TMC5: variants seen among roughly 807,000 people sequenced by gnomAD.
TMC5 encodes the protein transmembrane channel like 5, also known as transmembrane channel-like protein 5.
TMC5 carries 86 observed loss-of-function variants against 110.5 expected under a neutral mutation model. That is an observed-to-expected ratio of 0.78 (90% CI 0.65 to 0.93). The LOEUF is 0.93. Among genes scored for constraint, TMC5 ranks in the 40% least tolerant of loss-of-function variants. The probability of loss-of-function intolerance (pLI) is 0.00; values close to 1 mark genes in which losing one functional copy is unlikely to be tolerated. For synonymous variants in TMC5, 455 were observed against 439.5 expected (o/e 1.04, Z -0.44); for missense variants, 1,144 against 1,222.8 (o/e 0.94, Z 0.96).
Position 19,449,625 on chromosome 16 carries a change from C to T in TMC5, c.1042C>T (p.Pro348Ser). ...PLSECDWHKS[P>S]QGQKLIASLI... Reference sequence around the variant, plus strand: ...GTCTGAATGTGATTGGCACAAGTCACCCCAAGGTAAGTGATATGGTTTGGC... The same window carrying T: ...GTCTGAATGTGATTGGCACAAGTCATCCCAAGGTAAGTGATATGGTTTGGC... The change falls in exon 5 of 22, where the codon CCC becomes TCC. Residue 348 changes from proline (P) to serine (S), a missense_variant. By Grantham distance (74) the Pro-to-Ser change is moderately conservative. Coordinates refer to ENST00000542583, the MANE Select transcript of TMC5 (RefSeq NM_001261841.2). 2 of 1,614,024 alleles carry T rather than the reference C, an allele frequency of 1.2e-6. No homozygotes were observed. Among genetic ancestry groups the T allele is most frequent in the Non-Finnish European group, 1.7e-6 (2 of 1,179,926 alleles).
chr16:19,464,316 C>T (rs1413521903), intron 8 of TMC5, among the ~76,000 whole-genome samples: 1 of 152,084 alleles, frequency 6.6e-6, no homozygotes, highest in Non-Finnish European at 1.5e-5. Context: ...TCTGGCTACT[C>T]AGGAGGCTAA....
intron 5 of TMC5, 56 bp downstream of exon 5, chr16:19,449,687 T>C: frequency 6.7e-7 from 1 of 1,503,516 alleles, no homozygotes. Flanking sequence ...CAAATTGTAA[T>C]CCCCATGTGT....
chr16:19,461,530 C>CTGT (rs1968022349), intron 6 of TMC5, among the ~76,000 whole-genome samples: 2 of 151,840 alleles, frequency 1.3e-5, no homozygotes, highest in Non-Finnish European at 2.9e-5. Context: ...GCCAAGATCA[C>CTGT]ACCACTGCAC....
chr16:19,445,606 G>GA (rs906254485), intron 4 of TMC5, among the ~76,000 whole-genome samples: 12 of 147,618 alleles, frequency 8.1e-5, no homozygotes, highest in East Asian at 2.0e-4. Flanking sequence ...TGGCACAAGA[G>GA]AAAAAAAAAA....
intron 1 of TMC5, among the ~76,000 whole-genome samples, chr16:19,428,560 C>T (rs183933198): frequency 6.6e-6 from 1 of 152,108 alleles, no homozygotes; most frequent in Non-Finnish European, 1.5e-5. Context: ...AACACTATAC[C>T]TTAGACCATT....
intron 5 of TMC5, chr16:19,456,986 A>C: frequency 6.2e-7 from 1 of 1,612,278 alleles, no homozygotes. Context: ...GGGCATAGAC[A>C]CTCCTGGTTC....
chr16:19,466,166 A>G lies in TMC5; in HGVS notation c.1570A>G (p.Met524Val). 2 of 1,614,096 alleles carry G rather than the reference A, an allele frequency of 1.2e-6. No individual in the cohort carries two copies. The highest frequency in any genetic ancestry group is 1.7e-6 in the Non-Finnish European group (2 of 1,180,022). The change falls in exon 9 of 22, where the codon ATG (methionine) becomes GTG (valine). Residue 524 changes from methionine (M) to valine (V), a missense_variant. Coordinates refer to ENST00000542583, the MANE Select transcript of TMC5 (RefSeq NM_001261841.2). Reference sequence around the variant, plus strand: ...CGGGAACAGCGGGGCATCCTACAACATGCAGCTGGCCTACATCTTCACAAT... The same window carrying G: ...CGGGAACAGCGGGGCATCCTACAACGTGCAGCTGGCCTACATCTTCACAAT... ...QHGNSGASYN[M>V]QLAYIFTIGA...
intron 14 of TMC5, among the ~76,000 whole-genome samples, chr16:19,479,960 G>A (rs986176315): frequency 2.7e-5 from 4 of 149,596 alleles, no homozygotes; most frequent in East Asian, 3.9e-4. Flanking sequence ...AGAAGAAGAA[G>A]AAAAAGGCAA....
intron 19 of TMC5, among the ~76,000 whole-genome samples, chr16:19,493,879 A>G (rs1037533028): frequency 4.7e-5 from 3 of 63,192 alleles, no homozygotes; most frequent in Admixed American, 1.6e-4. Context: ...TATCCTACAT[A>G]TATCTTTTTT....
chr16:19,417,646 A>T (rs1966889948), upstream of TMC5: 1 of 152,234 alleles, frequency 6.6e-6, no homozygotes, highest in African/African-American at 2.4e-5. Context: ...TGATAACAAA[A>T]GAATATTAAT....
chr16:19,461,479 CAGG>C (rs1247057121), intron 6 of TMC5, among the ~76,000 whole-genome samples: 1 of 151,904 alleles, frequency 6.6e-6, no homozygotes, highest in Non-Finnish European at 1.5e-5. Context: ...GAGGCTGAGA[CAGG>C]AGAATCGCTT....
At chr16:19,454,133 T>C (rs749819964) in intron 5 of TMC5, among the ~76,000 whole-genome samples, 4 of 152,008 alleles carry the variant, frequency 2.6e-5, no homozygotes, top group Non-Finnish European at 4.4e-5. Context: ...CTGCAACCTC[T>C]ACCTCCTGAG....
intron 4 of TMC5, among the ~76,000 whole-genome samples, chr16:19,447,367 T>C (rs1967637649): frequency 6.6e-6 from 1 of 152,138 alleles, no homozygotes; most frequent in South Asian, 2.1e-4. Context: ...ACTTCTGTCA[T>C]ATTCCATTGT....
chr16:19,443,962 T>C (rs8052298), intron 3 of TMC5, 119 bp from the exon 4 acceptor site: 875,068 of 1,075,654 alleles, frequency 0.81, 356,414 homozygotes, highest in South Asian at 0.91. Context: ...GATGGATAAA[T>C]GGATGGATAA....
At chr16:19,472,321 C>A (rs1968364739) in intron 11 of TMC5, 78 bp downstream of exon 11, 2 of 1,535,626 alleles carry the variant, frequency 1.3e-6, no homozygotes, top group Non-Finnish European at 1.8e-6. Flanking sequence ...GGTGTGCAGC[C>A]TACGGTTCAA....
At chr16:19,448,124 C>A in intron 4 of TMC5, among the ~76,000 whole-genome samples, 1 of 149,124 alleles carries the variant, frequency 6.7e-6, no homozygotes, top group East Asian at 2.0e-4. Flanking sequence ...TCACTGCACT[C>A]CAGCCTGTGT....
chr16:19,484,599 T>TA (rs975188862), intron 15 of TMC5, among the ~76,000 whole-genome samples: 13 of 151,870 alleles, frequency 8.6e-5, no homozygotes, highest in African/African-American at 2.7e-4. Flanking sequence ...CTGACTCTAC[T>TA]AAAAAATACA....
rs746520627 is a variant in TMC5, at chr16:19,440,397, G to A, written c.359G>A (p.Arg120Gln). 2.4e-5 allele frequency: 39 copies of A among 1,613,828 alleles called. No individual in the cohort carries two copies. Among genetic ancestry groups the A allele is most frequent in the Non-Finnish European group, 2.8e-5 (33 of 1,180,028 alleles). The change falls in exon 3 of 22, where the codon CGA (arginine) becomes CAA (glutamine). Residue 120 changes from arginine (R) to glutamine (Q), a missense_variant. By Grantham distance (43) the Arg-to-Gln change is conservative. Transcript: ENST00000542583. ...GAATTTCAGAGTCATCCCTACCACCGAGCATCATCCAGACAACCAGACTAC... is the reference window on the plus strand; with the variant it reads ...GAATTTCAGAGTCATCCCTACCACCAAGCATCATCCAGACAACCAGACTAC... Reference protein sequence around the residue: ...YSEFQSHPYHRASSRQPDYPG... With the variant: ...YSEFQSHPYHQASSRQPDYPG...
rs575797041 is a variant in TMC5 at position 19,427,694 on chromosome 16, A to T, written c.-307-2719A>T. Among the ~76,000 whole-genome samples the T allele has an allele frequency of 2.0e-5, 3 of 152,002 alleles. No individual in the cohort carries two copies. The South Asian group carries it at 6.2e-4, about 32-fold the overall frequency. On this transcript the variant is annotated intron_variant, in intron 1 of 21. Coordinates refer to ENST00000542583, the MANE Select transcript of TMC5 (RefSeq NM_001261841.2). ...TCTATTGTGGGGAGGCCAGTCTTGT[A>T]CATTTTAGGATGTTTAACAGCTACC...
Sources: gnomAD v4.1 joint callset for allele counts (sites outside exome capture counted in the v4.1 genomes callset) on GRCh38, gnomAD v4.1.1 for gene constraint, MANE v1.5 for transcripts, NCBI Gene and HGNC (gene_info 2026-07-23, HGNC 2026-07-21) for gene names.